RAD51B: variants seen among roughly 807,000 people sequenced by gnomAD.
The protein encoded by RAD51B is RAD51 paralog B, also known as DNA repair protein RAD51 homolog 2.
Under a neutral mutation model 42.2 loss-of-function variants are expected in RAD51B, and 38 were observed. The observed-to-expected ratio is 0.90, with a 90% CI of 0.70 to 1.18. RAD51B has a LOEUF of 1.18. Ranked by LOEUF, RAD51B falls within the 50% of genes most tolerant of loss-of-function variation. The pLI is 0.00. For synonymous variants in RAD51B, 154 were observed against 145.2 expected (o/e 1.06, Z -0.43); for missense variants, 373 against 400.7 (o/e 0.93, Z 0.59).
intron 7 of RAD51B, among the ~76,000 whole-genome samples, chr14:68,051,336 A>C (rs1341155519): frequency 6.6e-6 from 1 of 152,150 alleles, no homozygotes; most frequent in Non-Finnish European, 1.5e-5. Context: ...AGAGTATTTC[A>C]ACATCGGAAT....
intron 7 of RAD51B, among the ~76,000 whole-genome samples, chr14:68,077,671 C>T (rs1429312369): frequency 6.6e-6 from 1 of 152,144 alleles, no homozygotes; most frequent in African/African-American, 2.4e-5. Context: ...AAAATTTGTG[C>T]TTGGCCAGGA....
intron 7 of RAD51B, among the ~76,000 whole-genome samples, chr14:68,044,329 CTT>C (rs886316075): frequency 5.9e-5 from 9 of 152,208 alleles, no homozygotes; most frequent in Admixed American, 2.0e-4. Context: ...GATAGAGACT[CTT>C]TTATTTGCTT....
chr14:68,532,261 AAAC>A (rs1385882930), intron 10 of RAD51B, among the ~76,000 whole-genome samples: 3 of 152,214 alleles, frequency 2.0e-5, no homozygotes, highest in African/African-American at 4.8e-5. Flanking sequence ...AATGGAAAAG[AAAC>A]AACAACAAAA....
At chr14:68,006,976 T>C (rs1208837484) in intron 7 of RAD51B, among the ~76,000 whole-genome samples, 1 of 152,126 alleles carries the variant, frequency 6.6e-6, no homozygotes, top group Non-Finnish European at 1.5e-5. Context: ...AGTATATAAC[T>C]CCAGAACATT....
Position 68,316,673 on chromosome 14 carries a change from G to T in RAD51B, c.853+24693G>T, listed in dbSNP as rs189763830. On this transcript the variant is annotated intron_variant, in intron 8 of 10. Coordinates refer to ENST00000471583, the MANE Select transcript of RAD51B (RefSeq NM_133510.4). ...ACCTTTACAGGGCTGTTTACATTTG[G>T]TGACCTGCCTGAACACTCCCGCCAG... is the stretch of plus-strand genomic sequence containing the variant. 8.5e-4 allele frequency among the ~76,000 whole-genome samples: 129 copies of T among 152,274 alleles called. 1 individual carries two copies. Among genetic ancestry groups the T allele is most frequent in the Middle Eastern group, 3.4e-3 (1 of 294 alleles).
chr14:68,507,980 G>A (rs932999832), intron 10 of RAD51B, among the ~76,000 whole-genome samples: 1 of 152,170 alleles, frequency 6.6e-6, no homozygotes, highest in Admixed American at 6.5e-5. Flanking sequence ...ACCGTCGGAA[G>A]CAGAGGGTGC....
downstream of RAD51B, among the ~76,000 whole-genome samples, chr14:68,479,986 C>G (rs1883046611): frequency 6.6e-6 from 1 of 151,938 alleles, no homozygotes; most frequent in African/African-American, 2.4e-5. Context: ...CGCGCCCAGC[C>G]AGGTCTTCAT....
intron 11 of RAD51B, among the ~76,000 whole-genome samples, chr14:68,678,021 T>C (rs1893349107): frequency 6.6e-6 from 1 of 152,220 alleles, no homozygotes; most frequent in Non-Finnish European, 1.5e-5. Flanking sequence ...GCATTCGCCA[T>C]GCTTTATCTC....
intron 10 of RAD51B, among the ~76,000 whole-genome samples, chr14:68,518,867 T>G (rs1040250972): frequency 3.9e-5 from 6 of 151,912 alleles, no homozygotes; most frequent in Non-Finnish European, 8.8e-5. Context: ...AACAAACCAT[T>G]CAAAAAACGA....
intron 7 of RAD51B, among the ~76,000 whole-genome samples, chr14:68,237,732 C>CTTTTTT (rs57490316): frequency 2.2e-4 from 16 of 74,088 alleles, no homozygotes; most frequent in East Asian, 5.8e-4. Flanking sequence ...TTTCATTTCT[C>CTTTTTT]TTTTTTTTTT....
At chr14:68,312,141 G>A (rs1420653312) in intron 8 of RAD51B, among the ~76,000 whole-genome samples, 1 of 152,080 alleles carries the variant, frequency 6.6e-6, no homozygotes, top group Non-Finnish European at 1.5e-5. Context: ...TTGTTTTTTA[G>A]TGCTGATGAA....
At chr14:68,020,100 A>G (rs770247301) in intron 7 of RAD51B, among the ~76,000 whole-genome samples, 14 of 152,042 alleles carry the variant, frequency 9.2e-5, no homozygotes, top group Non-Finnish European at 1.8e-4. Flanking sequence ...ATGGCCTCTA[A>G]TCCTGCTTTT....
In RAD51B at chr14:68,291,901, G is replaced by A; in HGVS notation, c.774G>A (p.Gln258=). 6.2e-7 allele frequency: 1 copy of A among 1,613,658 alleles called. No homozygotes were observed. Residue 258 remains glutamine (Q), a synonymous_variant, in exon 8 of 11, where the codon CAG becomes CAA. Coordinates refer to ENST00000471583, the MANE Select transcript of RAD51B (RefSeq NM_133510.4). ...EFSIPVILTN[Q]ITTHLSGALA... ...GTTCACAGGTTATCTTGACGAATCA[G>A]ATTACAACCCATCTGAGTGGAGCCC...
chr14:67,910,405 CAAAAAAAAAAAAAAAAA>C lies in RAD51B; in HGVS notation c.756+23222_756+23238del, dbSNP rs576632132. Among the ~76,000 whole-genome samples, 27 of 9,042 alleles carry C rather than the reference CAAAAAAAAAAAAAAAAA, an allele frequency of 3.0e-3. 1 individual carries two copies. The East Asian group carries it at 0.059, about 20-fold the overall frequency. The allele number at this position is 9,042 out of a possible 152,430, so 5.9% of individuals were successfully genotyped here. On this transcript the variant is annotated intron_variant, in intron 7 of 10. Coordinates refer to ENST00000471583, the MANE Select transcript of RAD51B (RefSeq NM_133510.4). ...TGGGCGACAGAGCGAGACTCTGTCTCAAAAAAAAAAAAAAAAAAAAAAAAAAAAAAAAAAAAATATTT... is the reference window on the plus strand; with the variant it reads ...TGGGCGACAGAGCGAGACTCTGTCTCAAAAAAAAAAAAAAAAAAAATATTT...
At chr14:68,540,843 C>T in intron 10 of RAD51B, 3 of 985,332 alleles carry the variant, frequency 3.0e-6, no homozygotes, top group Non-Finnish European at 3.6e-6. Flanking sequence ...GAGAAGGAAA[C>T]AGACATTATT....
intron 9 of RAD51B, among the ~76,000 whole-genome samples, chr14:68,456,395 A>C (rs1301936262): frequency 6.6e-6 from 1 of 152,230 alleles, no homozygotes; most frequent in African/African-American, 2.4e-5. Context: ...AGATGGAAAA[A>C]TACATGTCAT....
At chr14:67,897,521 A>G (rs1029467309) in intron 7 of RAD51B, among the ~76,000 whole-genome samples, 3 of 152,198 alleles carry the variant, frequency 2.0e-5, no homozygotes, top group African/African-American at 7.2e-5. Context: ...CAAAGTTACT[A>G]ATCATAAGGG....
intron 10 of RAD51B, among the ~76,000 whole-genome samples, chr14:68,626,178 T>C (rs929746796): frequency 6.6e-6 from 1 of 152,198 alleles, no homozygotes; most frequent in African/African-American, 2.4e-5. Flanking sequence ...GAGGCTTATA[T>C]ACATGGCACA....
intron 7 of RAD51B, among the ~76,000 whole-genome samples, chr14:68,138,504 A>C (rs1415227334): frequency 6.6e-6 from 1 of 152,166 alleles, no homozygotes; most frequent in Admixed American, 6.5e-5. Flanking sequence ...AAACTTAAAA[A>C]AAAATTCTCT....
Sources: gnomAD v4.1 joint callset for allele counts (sites outside exome capture counted in the v4.1 genomes callset) on GRCh38, gnomAD v4.1.1 for gene constraint, MANE v1.5 for transcripts, NCBI Gene and HGNC (gene_info 2026-07-23, HGNC 2026-07-21) for gene names.